RGMA: variants seen among roughly 807,000 people sequenced by gnomAD.
The protein encoded by RGMA is repulsive guidance molecule A.
Under a neutral mutation model 23.2 loss-of-function variants are expected in RGMA, and 10 were observed. The observed-to-expected ratio is 0.43, with a 90% confidence interval of 0.27 to 0.73. RGMA has a LOEUF of 0.73. RGMA is among the 30% of genes least tolerant of loss of function. The pLI, the probability that RGMA is intolerant of heterozygous loss-of-function variation, is 0.20. For missense variants in RGMA, 547 were observed against 630.5 expected (o/e 0.87, Z 1.42); for synonymous variants, 308 against 279.3 (o/e 1.10, Z -1.03).
At chr15:93,088,266 T>C in intron 1 of RGMA, 1 of 716,426 alleles carries the variant, frequency 1.4e-6, no homozygotes, top group Non-Finnish European at 1.7e-6. Context: ...CTGTCCCCCA[T>C]GCCCGGGCTT....
chr15:93,079,912 A>G (rs1895530862), intron 1 of RGMA, among the ~76,000 whole-genome samples: 1 of 152,108 alleles, frequency 6.6e-6, no homozygotes, highest in South Asian at 2.1e-4. Flanking sequence ...ACATGAAAGG[A>G]CAGTTGTACA....
intron 2 of RGMA, among the ~76,000 whole-genome samples, chr15:93,064,798 G>A (rs1298527946): frequency 6.6e-6 from 1 of 152,172 alleles, no homozygotes; most frequent in African/African-American, 2.4e-5. Context: ...GTGGCTGGGT[G>A]GCATCGTCCT....
intron 2 of RGMA, among the ~76,000 whole-genome samples, chr15:93,059,240 G>T (rs1300435073): frequency 6.6e-6 from 1 of 152,170 alleles, no homozygotes; most frequent in African/African-American, 2.4e-5. Context: ...CATGATGCGG[G>T]TCTCCTATGC....
chr15:93,052,301 G>T lies in RGMA; in HGVS notation c.337C>A (p.His113Asn). 1 of 1,604,362 alleles carries T rather than the reference G, an allele frequency of 6.2e-7. No homozygotes were observed. ...VHGIEDLMSQ[H>N]NCSKDGPTSQ... ...GTGGGGCCATCCTTGGAGCAGTTGTGCTGGCTCATGAGGTCCTCTATGCCA... is the reference window on the plus strand; with the variant it reads ...GTGGGGCCATCCTTGGAGCAGTTGTTCTGGCTCATGAGGTCCTCTATGCCA... Residue 113 changes from histidine (H) to asparagine (N), a missense_variant, in exon 3 of 4, where the codon CAC becomes AAC. Physicochemically the swap from His to Asn is moderately conservative, Grantham distance 68. Transcript: ENST00000329082.
chr15:93,063,409 C>T (rs905956900), intron 2 of RGMA, among the ~76,000 whole-genome samples: 2 of 152,248 alleles, frequency 1.3e-5, no homozygotes, highest in African/African-American at 2.4e-5. Context: ...TGCTGGATCT[C>T]ACAGGGGACA....
At chr15:93,059,684 C>G (rs1232361549) in intron 2 of RGMA, among the ~76,000 whole-genome samples, 1 of 152,186 alleles carries the variant, frequency 6.6e-6, no homozygotes, top group African/African-American at 2.4e-5. Flanking sequence ...ACCTCCACGG[C>G]CATCCAGTCA....
At chr15:93,085,852 T>C (rs1895626902) in intron 1 of RGMA, among the ~76,000 whole-genome samples, 2 of 152,236 alleles carry the variant, frequency 1.3e-5, no homozygotes, top group South Asian at 4.1e-4. Context: ...GCTAAGAAAC[T>C]GGGTATCCTT....
At chr15:93,057,842 A>G (rs1217735902) in intron 2 of RGMA, among the ~76,000 whole-genome samples, 1 of 152,130 alleles carries the variant, frequency 6.6e-6, no homozygotes, top group Admixed American at 6.5e-5. Context: ...GGCTCTTCAG[A>G]GGGAGAGATT....
At chr15:93,081,439 G>C (rs1205479424) in intron 1 of RGMA, among the ~76,000 whole-genome samples, 1 of 152,156 alleles carries the variant, frequency 6.6e-6, no homozygotes, top group Non-Finnish European at 1.5e-5. Flanking sequence ...CAATACTATA[G>C]TATACCTGAA....
At chr15:93,073,765 G>A (rs752977766) in intron 1 of RGMA, 13 of 1,536,974 alleles carry the variant, frequency 8.5e-6, no homozygotes, top group Non-Finnish European at 9.6e-6. Flanking sequence ...ATCCTGACTG[G>A]GTTTGGCCTG....
intron 2 of RGMA, among the ~76,000 whole-genome samples, chr15:93,062,069 G>A (rs56384298): frequency 0.024 from 3,690 of 152,020 alleles, 85 homozygotes; most frequent in Non-Finnish European, 0.034. Context: ...TGTAGGAGGG[G>A]TGGGGTGAGC....
chr15:93,066,889 G>A (rs1239442103), intron 2 of RGMA, among the ~76,000 whole-genome samples: 2 of 152,192 alleles, frequency 1.3e-5, no homozygotes, highest in East Asian at 3.9e-4. Context: ...TTCTACTTCT[G>A]GCTCTGCCAT....
intron 1 of RGMA, among the ~76,000 whole-genome samples, chr15:93,077,101 A>G (rs2141845206): frequency 6.6e-6 from 1 of 152,336 alleles, no homozygotes; most frequent in East Asian, 1.9e-4. Flanking sequence ...CGCCAGGAAC[A>G]AAGTGTGCTT....
At position 93,045,198 on chromosome 15, in the gene RGMA, T is replaced by C; in HGVS notation, c.1153A>G (p.Thr385Ala). 6.2e-7 allele frequency: 1 copy of C among 1,610,982 alleles called. No individual in the cohort carries two copies. The highest frequency in any genetic ancestry group is 8.5e-7 in the Non-Finnish European group (1 of 1,178,774). ...GCCAGTGTGAAGTTCACGTCGCCCGTGGTGAGGAGGTCGAAGACGCAGGCC... is the reference window on the plus strand; with the variant it reads ...GCCAGTGTGAAGTTCACGTCGCCCGCGGTGAGGAGGTCGAAGACGCAGGCC... ...YQACVFDLLT[T>A]GDVNFTLAAY... Residue 385 changes from threonine to alanine, a missense_variant, in exon 4 of 4, where the codon ACG becomes GCG. Thr to Ala is a moderately conservative substitution (Grantham distance 58). Coordinates refer to ENST00000329082, the MANE Select transcript of RGMA (RefSeq NM_020211.3). This position sits in a 1 kb window ranked among gnomAD's most constrained non-coding sequence, Gnocchi z 6.9.
chr15:93,081,684 A>G (rs151057189), intron 1 of RGMA, among the ~76,000 whole-genome samples: 48 of 152,380 alleles, frequency 3.2e-4, no homozygotes, highest in African/African-American at 1.1e-3. Flanking sequence ...AGGCTGGAGT[A>G]TTTGGATTAA....
At chr15:93,079,887 G>A (rs1229171522) in intron 1 of RGMA, among the ~76,000 whole-genome samples, 1 of 152,170 alleles carries the variant, frequency 6.6e-6, no homozygotes, top group African/African-American at 2.4e-5. Context: ...GTGCATGCCT[G>A]TGGACACAGG....
Position 93,045,388 on chromosome 15 carries a change from G to T in RGMA, c.963C>A (p.Leu321=). The change falls in exon 4 of 4, where the codon CTC becomes CTA. Residue 321 remains leucine (L), a synonymous_variant. Transcript: ENST00000329082. The surrounding 1 kb of genome is among the most constrained non-coding windows in gnomAD (Gnocchi z 6.9). The stretch of plus-strand genomic sequence containing the variant: ...AGGCCTGGAAGTCGATCTGCTGGTT[G>T]AGGGGGCAGCCCCGCAGGCAGAGGT... ...GLYLCLRGCP[L]NQQIDFQAFH... 1.2e-6 allele frequency: 2 copies of T among 1,612,194 alleles called. No homozygotes were observed.
chr15:93,072,483 CA>C (rs915794446), intron 2 of RGMA, among the ~76,000 whole-genome samples: 3 of 152,158 alleles, frequency 2.0e-5, no homozygotes, highest in African/African-American at 7.2e-5. Flanking sequence ...GCTGGGACCT[CA>C]GGGGCGACCC....
chr15:93,071,654 T>C (rs1186629499), intron 2 of RGMA, among the ~76,000 whole-genome samples: 1 of 152,230 alleles, frequency 6.6e-6, no homozygotes, highest in South Asian at 2.1e-4. Flanking sequence ...GTTCACTGTC[T>C]GCGTGGTCCG....
Sources: allele counts gnomAD v4.1 joint callset (sites outside exome capture counted in the v4.1 genomes callset), GRCh38; gene constraint gnomAD v4.1.1; non-coding constraint Gnocchi (gnomAD v3.1); transcripts MANE v1.5; gene names NCBI Gene and HGNC (gene_info 2026-07-23, HGNC 2026-07-21).